BRPF3: variants seen among roughly 807,000 people sequenced by gnomAD.
The protein encoded by BRPF3 is bromodomain and PHD finger-containing protein 3.
BRPF3 carries 18 observed loss-of-function variants against 102.0 expected under a neutral mutation model. That is an observed-to-expected ratio of 0.18 (90% CI 0.12 to 0.26). The LOEUF (loss-of-function observed/expected upper bound fraction) is 0.26, where lower values mean the gene tolerates loss of function less well. Among genes scored for constraint, BRPF3 ranks in the 10% least tolerant of loss-of-function variants. The pLI is 1.00. For missense variants in BRPF3, 1,147 were observed against 1,567.8 expected, an observed-to-expected ratio of 0.73 and a Z score of 4.53; for synonymous variants, 570 against 614.2, an observed-to-expected ratio of 0.93 and a Z score of 1.06.
At chr6:36,211,149 G>T in intron 6 of BRPF3, 109 bp from the exon 7 acceptor site, 1 of 1,267,062 alleles carries the variant, frequency 7.9e-7, no homozygotes, top group Non-Finnish European at 1.1e-6. Flanking sequence ...GAAGCTGCTG[G>T]CCCAGGCATT....
At chr6:36,198,219 T>G (rs546584598) in intron 1 of BRPF3, among the ~76,000 whole-genome samples, 2 of 152,296 alleles carry the variant, frequency 1.3e-5, no homozygotes, top group African/African-American at 4.8e-5. Context: ...CAAATTGGTT[T>G]TTTGTTTGTT....
intron 9 of BRPF3, among the ~76,000 whole-genome samples, chr6:36,219,627 C>T (rs1342636215): frequency 2.0e-5 from 3 of 152,208 alleles, no homozygotes; most frequent in Non-Finnish European, 4.4e-5. Context: ...TGCCTTTCTG[C>T]AGAACTCCAG....
chr6:36,214,535 C>T (rs1768259633), intron 8 of BRPF3, 149 bp downstream of exon 8: 3 of 995,218 alleles, frequency 3.0e-6, no homozygotes, highest in Non-Finnish European at 4.2e-6. Flanking sequence ...ACAGTTGGGC[C>T]TGGCATGTTA....
intron 1 of BRPF3, among the ~76,000 whole-genome samples, chr6:36,199,174 C>T (rs971445853): frequency 1.3e-5 from 2 of 152,158 alleles, no homozygotes; most frequent in African/African-American, 4.8e-5. Flanking sequence ...GAGTGGCGGG[C>T]AAGCGAGCAT....
In BRPF3 at chr6:36,201,279, C is replaced by G; in HGVS notation, c.957C>G (p.Ala319=). The change falls in exon 2 of 13, where the codon GCC becomes GCG. Residue 319 remains alanine (A), a synonymous_variant. Coordinates refer to ENST00000357641, the MANE Select transcript of BRPF3 (RefSeq NM_015695.3). The surrounding 1 kb of genome is among the most constrained non-coding windows in gnomAD (Gnocchi z 5.1). ...AGGGCATTGACAATATCCCGCCTGC[C>G]CGCTGGAAACTAACCTGCTATATCT... ...PIEGIDNIPP[A]RWKLTCYICK... 6.2e-7 allele frequency: 1 copy of G among 1,614,144 alleles called. No homozygotes were observed. The highest frequency in any genetic ancestry group is 8.5e-7 in the Non-Finnish European group (1 of 1,180,026).
chr6:36,225,457 C>CA (rs1768702932), intron 11 of BRPF3, 93 bp downstream of exon 11: 10 of 1,176,236 alleles, frequency 8.5e-6, no homozygotes, highest in Non-Finnish European at 1.2e-5. Context: ...TGGTGGGAGT[C>CA]AGAGTGTCTT....
chr6:36,229,183 A>G, intron 12 of BRPF3, 127 bp downstream of exon 12: 2 of 1,190,678 alleles, frequency 1.7e-6, no homozygotes, highest in Non-Finnish European at 2.3e-6. Context: ...CTTGCCAGCA[A>G]CAGGCCTGCA....
At position 36,200,214 on chromosome 6, in the gene BRPF3, C is replaced by T. The variant is rs1196966997; in HGVS notation, c.-26-83C>T. On this transcript the variant is annotated intron_variant, in intron 1 of 12. Coordinates refer to ENST00000357641, the MANE Select transcript of BRPF3 (RefSeq NM_015695.3). The surrounding 1 kb of genome is among the most constrained non-coding windows in gnomAD (Gnocchi z 5.3). ...TCAGACAGAGGGAAAAGCCAGTCCT[C>T]TTGGTGGATGCTTGATCATATGGGA... The T allele has an allele frequency of 1.4e-6, 2 of 1,429,512 alleles. No homozygotes were observed. Among genetic ancestry groups the T allele is most frequent in the East Asian group, 5.0e-5 (2 of 40,134 alleles). 88.6% of individuals were successfully genotyped at this position (1,429,512 alleles called of 1,614,324 possible).
intron 9 of BRPF3, 112 bp from the exon 10 acceptor site, chr6:36,222,056 A>C: frequency 1.9e-6 from 2 of 1,027,958 alleles, no homozygotes; most frequent in South Asian, 2.9e-5. Flanking sequence ...GTCCTCCCTG[A>C]AGAGTTTTTG....
In BRPF3 at chr6:36,211,490, A is replaced by T; in HGVS notation, c.2412A>T (p.Ala804=). Residue 804 remains alanine (A), a synonymous_variant, in exon 7 of 13, where the codon GCA becomes GCT. Coordinates refer to ENST00000357641, the MANE Select transcript of BRPF3 (RefSeq NM_015695.3). ...CAGTATCCAATGGGGAGCTGCCAGCAGGGCCCCAGGGGGATGCAGCTGTGC... is the reference window on the plus strand; with the variant it reads ...CAGTATCCAATGGGGAGCTGCCAGCTGGGCCCCAGGGGGATGCAGCTGTGC... The part of the protein sequence containing the change: ...NKTVSNGELP[A]GPQGDAAVLE... 1.3e-6 allele frequency: 2 copies of T among 1,576,372 alleles called. No homozygotes were observed. The highest frequency in any genetic ancestry group is 1.7e-6 in the Non-Finnish European group (2 of 1,160,750).
intron 1 of BRPF3, among the ~76,000 whole-genome samples, chr6:36,197,975 C>T (rs1488877103): frequency 6.6e-6 from 1 of 152,076 alleles, no homozygotes; most frequent in Admixed American, 6.5e-5. Flanking sequence ...CCTGTCTGCG[C>T]TGTTTGGGGT....
rs867789623 is a variant in BRPF3, at chr6:36,222,178, C to T, written c.3094C>T (p.Pro1032Ser). The T allele has an allele frequency of 3.9e-6, 6 of 1,550,308 alleles. No individual in the cohort carries two copies. The African/African-American group carries it at 5.5e-5, about 14-fold the overall frequency. The part of the protein sequence containing the change: ...LAFEACSGLT[P>S]PKRSRGKPAL... The stretch of plus-strand genomic sequence containing the variant: ...CTGCTCTGTGTGCAGTGGTCTGACG[C>T]CCCCCAAACGCAGCCGTGGGAAGCC... Residue 1032 changes from proline to serine, a missense_variant, in exon 10 of 13, where the codon CCC (proline) becomes TCC (serine). Pro to Ser is a moderately conservative substitution (Grantham distance 74). This residue lies in a region of BRPF3 where 379 missense variants were observed against 426.3 expected (regional missense o/e 0.89). Transcript: ENST00000357641.
At chr6:36,203,051 T>G (rs1767775634) in intron 2 of BRPF3, among the ~76,000 whole-genome samples, 1 of 152,220 alleles carries the variant, frequency 6.6e-6, no homozygotes, top group Admixed American at 6.5e-5. Context: ...TCTAGGTTAT[T>G]CTTTTTCCTG....
Position 36,196,915 on chromosome 6 carries a change from GGCCTGCCCGC to G in BRPF3, c.-81_-72del, listed in dbSNP as rs1767510714. ...CCCGGGCCGCGCCGACCTGCTCGGCGGCCTGCCCGCCCGCGCCCAGGGGCCCCGAACGGTG... is the reference window on the plus strand; with the variant it reads ...CCCGGGCCGCGCCGACCTGCTCGGCGCCGCGCCCAGGGGCCCCGAACGGTG... On this transcript the variant is annotated 5_prime_UTR_variant, in exon 1 of 13. Transcript: ENST00000357641. 1 of 151,540 alleles carries G rather than the reference GGCCTGCCCGC, an allele frequency of 6.6e-6. No individual in the cohort carries two copies. Among genetic ancestry groups the G allele is most frequent in the Non-Finnish European group, 1.5e-5 (1 of 67,756 alleles). The allele number at this position is 151,540 out of a possible 1,614,324, so 9.4% of individuals were successfully genotyped here.
rs1176160531 is a variant in BRPF3, at chr6:36,217,953, G to T, written c.3026G>T (p.Gly1009Val). 6.2e-7 allele frequency: 1 copy of T among 1,613,498 alleles called. No homozygotes were observed. Among genetic ancestry groups the T allele is most frequent in the East Asian group, 2.2e-5 (1 of 44,822 alleles). ...GGCTTTGGAAAACACACCGAAAGCG[G>T]GTCTGACTCTGAATGTAGTTTGGGT... is the stretch of plus-strand genomic sequence containing the variant. Reference protein sequence around the residue: ...TNGFGKHTESGSDSECSLGLS... With the variant: ...TNGFGKHTESVSDSECSLGLS... Residue 1009 changes from glycine (G) to valine (V), a missense_variant, in exon 9 of 13, where the codon GGG (glycine) becomes GTG (valine). Transcript: ENST00000357641.
intron 3 of BRPF3, among the ~76,000 whole-genome samples, chr6:36,206,694 G>A (rs367992709): frequency 1.3e-5 from 2 of 152,124 alleles, no homozygotes; most frequent in Non-Finnish European, 1.5e-5. Flanking sequence ...TTAAACTCTA[G>A]TAAGAGTCTT....
rs368204788 is a variant in BRPF3, at chr6:36,228,882, A to G, written c.3280-20A>G. On this transcript the variant is annotated intron_variant, in intron 11 of 12. Transcript: ENST00000357641. ...CCCTGGCCTCCCTCACTGAGTGCCC[A>G]TCTTCTATTCTGCCTCCAGATCATC... The G allele has an allele frequency of 7.4e-6, 12 of 1,613,490 alleles. No individual in the cohort carries two copies. Among genetic ancestry groups the G allele is most frequent in the Non-Finnish European group, 8.5e-6 (10 of 1,179,626 alleles).
At chr6:36,202,476 A>G (rs542662965) in intron 2 of BRPF3, among the ~76,000 whole-genome samples, 14 of 132,906 alleles carry the variant, frequency 1.1e-4, no homozygotes, top group Non-Finnish European at 1.8e-4. Flanking sequence ...TTAAAACATC[A>G]GAGAGGTACC....
chr6:36,228,902 A>G lies in BRPF3; in HGVS notation c.3280A>G (p.Ile1094Val), dbSNP rs775759948. 1.4e-5 allele frequency: 23 copies of G among 1,613,836 alleles called. No homozygotes were observed. Among genetic ancestry groups the G allele is most frequent in the South Asian group, 9.9e-5 (9 of 91,070 alleles). ...TGCCCATCTTCTATTCTGCCTCCAG[A>G]TCATCGATCCCAAGATGCCCCGGGA... Reference protein sequence around the residue: ...CRGYPSYPALIIDPKMPREGL... With the variant: ...CRGYPSYPALVIDPKMPREGL... Residue 1094 changes from isoleucine (I) to valine (V), a missense_variant and splice_region_variant, in exon 12 of 13, where the codon ATC becomes GTC. Physicochemically the swap from Ile to Val is conservative, Grantham distance 29 (BLOSUM62 3). Coordinates refer to ENST00000357641, the MANE Select transcript of BRPF3 (RefSeq NM_015695.3).
Sources: allele counts gnomAD v4.1 joint callset (sites outside exome capture counted in the v4.1 genomes callset), GRCh38; gene constraint gnomAD v4.1.1; regional missense constraint gnomAD v4.1.1; non-coding constraint Gnocchi (gnomAD v3.1); transcripts MANE v1.5; gene names NCBI Gene and HGNC (gene_info 2026-07-23, HGNC 2026-07-21).